VAV2: variants seen among roughly 807,000 people sequenced by gnomAD.
VAV2 encodes guanine nucleotide exchange factor VAV2.
Under a neutral mutation model 132.5 loss-of-function variants are expected in VAV2, and 67 were observed. The ratio of observed to expected loss-of-function variants is 0.51; its 90% CI spans 0.42 to 0.62. The LOEUF is 0.62. VAV2 is among the 20% of genes least tolerant of loss of function. The probability of loss-of-function intolerance (pLI) is 0.00; values close to 1 mark genes in which losing one functional copy is unlikely to be tolerated. For synonymous variants in VAV2, 492 were observed against 443.5 expected, an observed-to-expected ratio of 1.11 and a Z score of -1.37; for missense variants, 938 against 1,153.6, an observed-to-expected ratio of 0.81 and a Z score of 2.71.
intron 1 of VAV2, among the ~76,000 whole-genome samples, chr9:133,977,948 C>G (rs796313706): frequency 6.7e-5 from 7 of 103,916 alleles, no homozygotes; most frequent in African/African-American, 4.3e-4. Flanking sequence ...CCCACGCCCC[C>G]TGCCTCTGGA....
Position 133,812,204 on chromosome 9 carries a change from C to G in VAV2, c.462G>C (p.Leu154=), listed in dbSNP as rs564135396. The change falls in exon 5 of 30, where the codon CTG becomes CTC. Residue 154 remains leucine, a synonymous_variant. Transcript: ENST00000371850. ...GGACGCAGTCGTAGATGTCCTCCCC[C>G]AGGTCATGCTCGCTGCACAGGAGGA... is the stretch of plus-strand genomic sequence containing the variant. ...SLEELADEHD[L]GEDIYDCVPC... The G allele has an allele frequency of 1.2e-6, 2 of 1,613,832 alleles. No homozygotes were observed. Among genetic ancestry groups the G allele is most frequent in the Admixed American group, 3.3e-5 (2 of 60,026 alleles).
At chr9:133,818,444 G>C (rs138896223) in intron 4 of VAV2, among the ~76,000 whole-genome samples, 1 of 151,350 alleles carries the variant, frequency 6.6e-6, no homozygotes, top group African/African-American at 2.4e-5. Context: ...CTCAGACATC[G>C]GAACTCCTCC....
chr9:133,975,095 C>CA (rs1376180062), intron 1 of VAV2, among the ~76,000 whole-genome samples: 2 of 152,194 alleles, frequency 1.3e-5, no homozygotes, highest in Non-Finnish European at 2.9e-5. Context: ...GTGAAAGCAC[C>CA]AACAGGCCGT....
chr9:133,893,707 T>C (rs1459080965), intron 2 of VAV2, among the ~76,000 whole-genome samples: 2 of 152,146 alleles, frequency 1.3e-5, no homozygotes, highest in Non-Finnish European at 2.9e-5. Flanking sequence ...CACGGCAGCT[T>C]TCATTGCCTG....
At chr9:133,985,645 C>A (rs1842837263) in intron 1 of VAV2, among the ~76,000 whole-genome samples, 1 of 152,176 alleles carries the variant, frequency 6.6e-6, no homozygotes, top group South Asian at 2.1e-4. Context: ...GGACAAACAG[C>A]TGGTTCTTAA....
chr9:133,866,951 C>T (rs564596469), intron 2 of VAV2, among the ~76,000 whole-genome samples: 3 of 152,260 alleles, frequency 2.0e-5, no homozygotes, highest in East Asian at 3.9e-4. Context: ...AGTTCAGGTT[C>T]GAATGTCAGC....
In VAV2 at chr9:133,992,038, C is replaced by G; in HGVS notation, c.204+37G>C. On this transcript the variant is annotated intron_variant, in intron 1 of 29. Transcript: ENST00000371850. The surrounding 1 kb of genome is among the most constrained non-coding windows in gnomAD (Gnocchi z 5.5). ...TCCGCGCGTCGGGCAGCGCGAACGC[C>G]GCCTCCCCGGGGCCCTCCCGCCCGC... 1 of 1,467,270 alleles carries G rather than the reference C, an allele frequency of 6.8e-7. No homozygotes were observed. Among genetic ancestry groups the G allele is most frequent in the Non-Finnish European group, 9.1e-7 (1 of 1,104,040 alleles). 90.9% of individuals were successfully genotyped at this position (1,467,270 alleles called of 1,614,324 possible). A position where few individuals can be genotyped will look rare whatever the true frequency, so the allele number is the denominator to read the frequency against.
chr9:133,791,887 GA>G lies in VAV2; in HGVS notation c.1102-19del. The G allele has an allele frequency of 1.9e-6, 3 of 1,542,904 alleles. No individual in the cohort carries two copies. Among genetic ancestry groups the G allele is most frequent in the Non-Finnish European group, 2.6e-6 (3 of 1,142,140 alleles). ...GCCAAGTCCTTGAAAACAAGAGGCA[GA>G]GGTGAGCGGGCTGTGCTGGGTGGGG... On this transcript the variant is annotated intron_variant, in intron 12 of 29. Coordinates refer to ENST00000371850, the MANE Select transcript of VAV2 (RefSeq NM_001134398.2).
intron 9 of VAV2, among the ~76,000 whole-genome samples, chr9:133,803,614 T>G (rs1332470805): frequency 6.6e-6 from 1 of 152,198 alleles, no homozygotes. Context: ...CTGCCTTGTC[T>G]GAGGACGAAG....
At chr9:133,913,576 C>A (rs1417386766) in intron 2 of VAV2, among the ~76,000 whole-genome samples, 2 of 152,254 alleles carry the variant, frequency 1.3e-5, no homozygotes, top group Non-Finnish European at 2.9e-5. Context: ...AGCCTGCGCA[C>A]ATGGTCCCAG....
intron 2 of VAV2, among the ~76,000 whole-genome samples, chr9:133,875,864 C>T (rs1838242516): frequency 6.6e-6 from 1 of 152,222 alleles, no homozygotes; most frequent in African/African-American, 2.4e-5. Context: ...CAGAGGAGAC[C>T]AGCATCTGAG....
At chr9:133,772,120 A>G (rs2510244) in intron 25 of VAV2, 74 bp from the exon 26 acceptor site, 479,198 of 1,287,596 alleles carry the variant, frequency 0.37, 93,060 homozygotes, top group Non-Finnish European at 0.4. Context: ...AGCCAGGCTC[A>G]TTCTGTGTTT....
intron 4 of VAV2, among the ~76,000 whole-genome samples, chr9:133,818,220 G>T (rs1835643306): frequency 6.6e-6 from 1 of 151,840 alleles, no homozygotes. Context: ...CAAAAAATTA[G>T]CCAGGCATGG....
At chr9:133,787,319 C>A in intron 15 of VAV2, 59 bp from the exon 16 acceptor site, 1 of 1,513,644 alleles carries the variant, frequency 6.6e-7, no homozygotes, top group Non-Finnish European at 8.9e-7. Context: ...TAAGCCCGGC[C>A]CTGTGGTGGG....
intron 2 of VAV2, among the ~76,000 whole-genome samples, chr9:133,915,684 C>A (rs1305044190): frequency 6.9e-6 from 1 of 145,636 alleles, no homozygotes; most frequent in African/African-American, 2.5e-5. Context: ...ACACACAATG[C>A]ACACGTGCAC....
rs117279400 is a variant in VAV2 at position 133,934,424 on chromosome 9, G to A, written c.321+4679C>T. 7.9e-3 allele frequency among the ~76,000 whole-genome samples: 1,203 copies of A among 152,346 alleles called. 26 individuals carry two copies. Among genetic ancestry groups the A allele is most frequent in the Non-Finnish European group, 8.0e-3 (542 of 68,034 alleles). The stretch of plus-strand genomic sequence containing the variant: ...GGAGAACCGGGGAAGCATTGTTTCT[G>A]GGTGTGGCTGTGCGGGTGTTTCCAG... On this transcript the variant is annotated intron_variant, in intron 2 of 29. Transcript: ENST00000371850.
chr9:133,876,611 C>A (rs1463228126), intron 2 of VAV2, among the ~76,000 whole-genome samples: 1 of 152,180 alleles, frequency 6.6e-6, no homozygotes, highest in African/African-American at 2.4e-5. Context: ...CAGGGTCAGG[C>A]TGGTGTTTGA....
chr9:133,791,466 C>T (rs1284699946), intron 13 of VAV2, among the ~76,000 whole-genome samples: 2 of 152,280 alleles, frequency 1.3e-5, no homozygotes, highest in African/African-American at 4.8e-5. Flanking sequence ...TTGAAGGGGT[C>T]TTCTGTCTAG....
At chr9:133,947,630 T>G (rs1052222644) in intron 1 of VAV2, among the ~76,000 whole-genome samples, 3 of 145,948 alleles carry the variant, frequency 2.1e-5, no homozygotes, top group Admixed American at 1.4e-4. Flanking sequence ...ACTCGGGAGG[T>G]GGAGGTTGCA....
Sources: gnomAD v4.1 joint callset for allele counts (sites outside exome capture counted in the v4.1 genomes callset) on GRCh38, gnomAD v4.1.1 for gene constraint, Gnocchi (gnomAD v3.1) non-coding constraint, MANE v1.5 for transcripts, NCBI Gene and HGNC (gene_info 2026-07-23, HGNC 2026-07-21) for gene names.